Variants in GPR157 observed in about 807,000 individuals in gnomAD.
The protein encoded by GPR157 is G protein-coupled receptor 157.
Under a neutral mutation model 23.5 loss-of-function variants are expected in GPR157, and 16 were observed. That is an observed-to-expected ratio of 0.68 (90% CI 0.46 to 1.04). GPR157 has a LOEUF of 1.04. GPR157 is among the 50% of genes least tolerant of loss of function. The pLI is 0.00. For synonymous variants in GPR157, 200 were observed against 221.5 expected (o/e 0.90, Z 0.86); for missense variants, 440 against 460.7 (o/e 0.96, Z 0.41).
rs567822422 is a variant in GPR157, at chr1:9,105,546, C to T, written c.732G>A (p.Arg244=). Residue 244 remains arginine, a synonymous_variant, in exon 3 of 4, where the codon CGG becomes CGA. Coordinates refer to ENST00000377411, the MANE Select transcript of GPR157 (RefSeq NM_024980.5). The surrounding 1 kb of genome is among the most constrained non-coding windows in gnomAD (Gnocchi z 4.8). ...GGGAGCCACAGAGGGTCAGCACGAA[C>T]CGCACGGTGCTCCAGACCCTGAGGC... ...FIGLRVWSTV[R]FVLTLCGSPA... is the part of the protein sequence containing the mutation. The T allele has an allele frequency of 8.1e-6, 13 of 1,598,836 alleles. No homozygotes were observed. Among genetic ancestry groups the T allele is most frequent in the Middle Eastern group, 1.7e-4 (1 of 6,036 alleles).
rs961945358 is a variant in GPR157 at position 9,104,525 on chromosome 1, T to C, written c.902A>G (p.Gln301Arg). 4 of 1,613,142 alleles carry C rather than the reference T, an allele frequency of 2.5e-6. No individual in the cohort carries two copies. Among genetic ancestry groups the C allele is most frequent in the Non-Finnish European group, 3.4e-6 (4 of 1,179,794 alleles). Residue 301 changes from glutamine to arginine, a missense_variant, in exon 4 of 4, where the codon CAG becomes CGG. Gln to Arg is a conservative substitution (Grantham distance 43). Transcript: ENST00000377411. ...GCCAGCCGGGCTCTTGGTGGGAGGC[T>C]GAGAAGAGCAGCAGCAGCAACAGAG... ...FSLCCCCCSS[Q>R]PPTKSPAGTP... is the part of the protein sequence containing the mutation.
At chr1:9,116,303 ATTATATTAT>A (rs1446974207) in intron 1 of GPR157, among the ~76,000 whole-genome samples, 5 of 13,742 alleles carry the variant, frequency 3.6e-4, no homozygotes, top group African/African-American at 2.8e-3. Context: ...AATTATATAT[ATTATATTAT>A]ATATAATATA....
chr1:9,117,270 G>A (rs1012815558), intron 1 of GPR157, among the ~76,000 whole-genome samples: 3 of 152,108 alleles, frequency 2.0e-5, no homozygotes, highest in Admixed American at 6.6e-5. Flanking sequence ...GGATAAAAAC[G>A]ATAAGGAGAT....
At chr1:9,124,393 G>A (rs554049535) in intron 1 of GPR157, among the ~76,000 whole-genome samples, 74 of 152,292 alleles carry the variant, frequency 4.9e-4, no homozygotes, top group African/African-American at 1.3e-3. Context: ...CCAACAGCGC[G>A]TGATGTGCTT....
chr1:9,120,728 C>G lies in GPR157; in HGVS notation c.383+7917G>C, dbSNP rs926427653. 4.2e-4 allele frequency among the ~76,000 whole-genome samples: 64 copies of G among 152,306 alleles called. No homozygotes were observed. Among genetic ancestry groups the G allele is most frequent in the African/African-American group, 1.4e-3 (60 of 41,574 alleles). Reference sequence around the variant, plus strand: ...TGCCCTAGTGCCACCGTCTGTAGCCCTCAGCTCAGGGATGGGCAGCCTGAG... The same window carrying G: ...TGCCCTAGTGCCACCGTCTGTAGCCGTCAGCTCAGGGATGGGCAGCCTGAG... On this transcript the variant is annotated intron_variant, in intron 1 of 3. Transcript: ENST00000377411. The surrounding 1 kb of genome is among the most constrained non-coding windows in gnomAD (Gnocchi z 4.1).
At position 9,128,908 on chromosome 1, in the gene GPR157, G is replaced by C. The variant is rs77649572; in HGVS notation, c.120C>G (p.Pro40=). The change falls in exon 1 of 4, where the codon CCC becomes CCG. Residue 40 remains proline, a synonymous_variant. Transcript: ENST00000377411. This position sits in a 1 kb window ranked among gnomAD's most constrained non-coding sequence, Gnocchi z 6.3. ...GLLVATHALW[P]DLRSRARRLL... is the part of the protein sequence containing the mutation. ...GGCGCCGTGCCCGGCTGCGCAGGTC[G>C]GGCCACAGGGCGTGCGTGGCCACCA... is the stretch of plus-strand genomic sequence containing the variant. The C allele has an allele frequency of 0.014, 21,683 of 1,545,252 alleles. 1,282 individuals carry two copies. In the East Asian group the frequency reaches 0.17, roughly 12 times the overall value.
chr1:9,104,485 G>A lies in GPR157; in HGVS notation c.942C>T (p.Pro314=), dbSNP rs1216144407. The change falls in exon 4 of 4, where the codon CCC becomes CCT. Residue 314 remains proline, a synonymous_variant. Transcript: ENST00000377411. ...GAGATTCTCCTGGCTTGGAAGGCGCGGGAGCCTTGGGAGTGCCAGCCGGGC... is the reference window on the plus strand; with the variant it reads ...GAGATTCTCCTGGCTTGGAAGGCGCAGGAGCCTTGGGAGTGCCAGCCGGGC... ...TKSPAGTPKA[P]APSKPGESQE... The A allele has an allele frequency of 2.2e-5, 36 of 1,613,710 alleles. No homozygotes were observed. The highest frequency in any genetic ancestry group is 4.5e-5 in the East Asian group (2 of 44,880).
chr1:9,123,639 AT>A (rs1290978838), intron 1 of GPR157, among the ~76,000 whole-genome samples: 10 of 104,516 alleles, frequency 9.6e-5, no homozygotes, highest in African/African-American at 3.8e-4. Flanking sequence ...TTAAATATAC[AT>A]TAATATTAAA....
intron 1 of GPR157, among the ~76,000 whole-genome samples, chr1:9,112,890 C>G (rs1317043115): frequency 2.0e-5 from 3 of 152,140 alleles, no homozygotes; most frequent in African/African-American, 7.2e-5. Flanking sequence ...CTGAGAGAGG[C>G]AGGTAGTGGG....
Position 9,103,118 on chromosome 1 carries a change from A to AAC in GPR157, c.*1300_*1301insGT, listed in dbSNP as rs1553173857. ...GGCTCCTTTTTTAAAAAAAAAAAAAAAAAAAAACTGACTCTGAAGCTTAAA... is the reference window on the plus strand; with the variant it reads ...GGCTCCTTTTTTAAAAAAAAAAAAAAACAAAAAAACTGACTCTGAAGCTTAAA... On this transcript the variant is annotated 3_prime_UTR_variant, in exon 4 of 4. Transcript: ENST00000377411. 3 of 151,302 alleles carry AAC rather than the reference A, an allele frequency of 2.0e-5. No individual in the cohort carries two copies. Among genetic ancestry groups the AAC allele is most frequent in the Non-Finnish European group, 4.4e-5 (3 of 67,818 alleles). 9.4% of individuals were successfully genotyped at this position (151,302 alleles called of 1,614,324 possible). A position where few individuals can be genotyped will look rare whatever the true frequency, so the allele number is the denominator to read the frequency against.
Position 9,104,344 on chromosome 1 carries a change from C to T in GPR157, c.*75G>A. 9.0e-7 allele frequency: 1 copy of T among 1,113,378 alleles called. No individual in the cohort carries two copies. The highest frequency in any genetic ancestry group is 1.9e-5 in the Admixed American group (1 of 51,870). The allele number at this position is 1,113,378 out of a possible 1,614,324, so 69.0% of individuals were successfully genotyped here. On this transcript the variant is annotated 3_prime_UTR_variant, in exon 4 of 4. Transcript: ENST00000377411. The stretch of plus-strand genomic sequence containing the variant: ...GTGCAGCAGACATGCACTTCTGCCC[C>T]TGCAGCAGGGACTCACAGAAGTGCC...
chr1:9,113,520 C>T (rs1638559886), intron 1 of GPR157, among the ~76,000 whole-genome samples: 1 of 152,160 alleles, frequency 6.6e-6, no homozygotes, highest in Admixed American at 6.5e-5. Context: ...CCCTCTGCAG[C>T]ATTCTCCAGT....
intron 1 of GPR157, among the ~76,000 whole-genome samples, chr1:9,123,576 A>G (rs1253610232): frequency 2.1e-5 from 2 of 97,330 alleles, no homozygotes; most frequent in Admixed American, 2.8e-4. Context: ...TATATTTTAA[A>G]TATATATTTA....
intron 1 of GPR157, among the ~76,000 whole-genome samples, chr1:9,123,269 T>TTTA (rs1363514877): frequency 1.9e-4 from 4 of 21,412 alleles, no homozygotes; most frequent in African/African-American, 8.9e-4. Flanking sequence ...TAAATATATA[T>TTTA]ATTTAAATAT....
At position 9,128,494 on chromosome 1, in the gene GPR157, C is replaced by G; in HGVS notation, c.383+151G>C. ...ATCTCGGGCAAGGCTGGCCTCCTCCCGCTGGCCCAGGACAGCCTCGGGGGC... is the reference window on the plus strand; with the variant it reads ...ATCTCGGGCAAGGCTGGCCTCCTCCGGCTGGCCCAGGACAGCCTCGGGGGC... On this transcript the variant is annotated intron_variant, in intron 1 of 3. Transcript: ENST00000377411. The surrounding 1 kb of genome is among the most constrained non-coding windows in gnomAD (Gnocchi z 6.3). 1 of 762,364 alleles carries G rather than the reference C, an allele frequency of 1.3e-6. No homozygotes were observed. The highest frequency in any genetic ancestry group is 2.2e-6 in the Non-Finnish European group (1 of 454,302). 47.2% of individuals were successfully genotyped at this position (762,364 alleles called of 1,614,324 possible).
rs1388485091 is a variant in GPR157 at position 9,105,558 on chromosome 1, C to A, written c.720G>T (p.Trp240Cys). ...GGGTCAGCACGAACCGCACGGTGCT[C>A]CAGACCCTGAGGCCGATGAAGATGA... ...IPLIFIGLRV[W>C]STVRFVLTLC... The change falls in exon 3 of 4, where the codon TGG becomes TGT. Residue 240 changes from tryptophan to cysteine, a missense_variant. Physicochemically the swap from Trp to Cys is radical, Grantham distance 215. Transcript: ENST00000377411. This position sits in a 1 kb window ranked among gnomAD's most constrained non-coding sequence, Gnocchi z 4.8. The A allele has an allele frequency of 1.6e-5, 25 of 1,604,750 alleles. No homozygotes were observed. The highest frequency in any genetic ancestry group is 2.1e-5 in the Non-Finnish European group (25 of 1,176,574).
intron 1 of GPR157, among the ~76,000 whole-genome samples, chr1:9,116,280 TAA>T (rs369064170): frequency 1.4e-3 from 2 of 1,460 alleles, no homozygotes; most frequent in African/African-American, 6.3e-3. Flanking sequence ...TAATTATATA[TAA>T]ATTATATATA....
intron 1 of GPR157, among the ~76,000 whole-genome samples, chr1:9,112,181 G>T (rs1023774499): frequency 1.3e-5 from 2 of 152,188 alleles, no homozygotes; most frequent in Non-Finnish European, 2.9e-5. Context: ...GTCCATGCTC[G>T]TGCAAATGTG....
At chr1:9,114,403 C>T (rs1202263765) in intron 1 of GPR157, among the ~76,000 whole-genome samples, 9 of 151,836 alleles carry the variant, frequency 5.9e-5, no homozygotes, top group East Asian at 3.9e-4. Flanking sequence ...TGCTGTTCCT[C>T]GTTACTTTAC....
Sources: gnomAD v4.1 joint callset for allele counts (sites outside exome capture counted in the v4.1 genomes callset) on GRCh38, gnomAD v4.1.1 for gene constraint, Gnocchi (gnomAD v3.1) non-coding constraint, MANE v1.5 for transcripts, NCBI Gene and HGNC (gene_info 2026-07-23, HGNC 2026-07-21) for gene names.